HHIPL1: variants seen among roughly 807,000 people sequenced by gnomAD.
The protein encoded by HHIPL1 is HHIP-like protein 1.
Under a neutral mutation model 61.8 loss-of-function variants are expected in HHIPL1, and 43 were observed. The observed-to-expected ratio is 0.70, with a 90% CI of 0.55 to 0.90. The LOEUF (loss-of-function observed/expected upper bound fraction) is 0.90. Among genes scored for constraint, HHIPL1 ranks in the 40% least tolerant of loss-of-function variants. The pLI is 0.00. For synonymous variants in HHIPL1, 482 were observed against 515.8 expected (o/e 0.93, Z 0.89); for missense variants, 1,056 against 1,157.7 (o/e 0.91, Z 1.28).
At chr14:99,642,337 G>T (rs184377111), upstream of HHIPL1, among the ~76,000 whole-genome samples, 1 of 151,832 alleles carries the variant, frequency 6.6e-6, no homozygotes, top group Admixed American at 6.6e-5. Flanking sequence ...TTTGGAAATT[G>T]TTCCACAGTC....
intron 1 of HHIPL1, among the ~76,000 whole-genome samples, chr14:99,649,940 C>T (rs2055899267): frequency 6.6e-6 from 1 of 152,264 alleles, no homozygotes; most frequent in African/African-American, 2.4e-5. Context: ...ATGGGAGGGA[C>T]AGCACACACG....
chr14:99,636,302 G>A, the HHIPL1 span, among the ~76,000 whole-genome samples: 1 of 152,038 alleles, frequency 6.6e-6, no homozygotes, highest in Admixed American at 6.6e-5. Context: ...ACATGGGTGG[G>A]GGTGGGGCAG....
the HHIPL1 span, among the ~76,000 whole-genome samples, chr14:99,631,838 G>A: frequency 1.3e-5 from 2 of 152,156 alleles, no homozygotes; most frequent in Non-Finnish European, 2.9e-5. Flanking sequence ...CAGAGAGATC[G>A]CTCCTGCCGT....
At chr14:99,659,888 G>C (rs12887985) in intron 4 of HHIPL1, 132 bp downstream of exon 4, 313,653 of 599,998 alleles carry the variant, frequency 0.52, 91,234 homozygotes, top group Admixed American at 0.6. Flanking sequence ...GTCTGTCCTC[G>C]GCCCCACTCT....
intron 5 of HHIPL1, among the ~76,000 whole-genome samples, chr14:99,661,568 A>G (rs1050543048): frequency 2.0e-5 from 3 of 152,132 alleles, no homozygotes; most frequent in African/African-American, 7.2e-5. Flanking sequence ...CCCAGGCTCA[A>G]GCAATCCTCC....
At chr14:99,617,270 C>T in the HHIPL1 span, among the ~76,000 whole-genome samples, 12 of 152,248 alleles carry the variant, frequency 7.9e-5, no homozygotes, top group African/African-American at 2.9e-4. Flanking sequence ...AACATTTACG[C>T]GATCATCGTC....
the HHIPL1 span, among the ~76,000 whole-genome samples, chr14:99,626,291 T>C: frequency 6.7e-6 from 1 of 148,570 alleles, no homozygotes; most frequent in Non-Finnish European, 1.5e-5. Flanking sequence ...TGTGTGTGTG[T>C]ATGCATGTGT....
Position 99,668,371 on chromosome 14 carries a change from C to T in HHIPL1, c.1730+68C>T. ...AGGCCTCTTAGCTCCACGGGCTTGT[C>T]CCCTCCGCCTCGCCCTCAGGTGGGT... On this transcript the variant is annotated intron_variant, in intron 7 of 8. Transcript: ENST00000330710. This position sits in a 1 kb window ranked among gnomAD's most constrained non-coding sequence, Gnocchi z 4.7. The T allele has an allele frequency of 1.1e-6, 1 of 945,684 alleles. No individual in the cohort carries two copies. Among genetic ancestry groups the T allele is most frequent in the Non-Finnish European group, 1.7e-6 (1 of 573,614 alleles). 58.6% of individuals were successfully genotyped at this position (945,684 alleles called of 1,614,324 possible).
At chr14:99,664,512 G>A (rs868856146) in intron 6 of HHIPL1, among the ~76,000 whole-genome samples, 5 of 152,290 alleles carry the variant, frequency 3.3e-5, no homozygotes, top group Middle Eastern at 3.4e-3. Flanking sequence ...AAACCAGGAG[G>A]AGGCACCAGT....
At position 99,668,894 on chromosome 14, in the gene HHIPL1, C is replaced by T. The variant is rs1487791908; in HGVS notation, c.1730+591C>T. ...GCTCCTTCCGTGTGCAGCTCATTGA[C>T]GTCTCAGCCGTTCATTTTACAGTGG... On this transcript the variant is annotated intron_variant, in intron 7 of 8. Transcript: ENST00000330710. The surrounding 1 kb of genome is among the most constrained non-coding windows in gnomAD (Gnocchi z 4.7). 7 of 1,613,480 alleles carry T rather than the reference C, an allele frequency of 4.3e-6. No homozygotes were observed. The highest frequency in any genetic ancestry group is 3.3e-5 in the Admixed American group (2 of 60,014).
At chr14:99,646,942 C>T (rs190893989) in intron 1 of HHIPL1, among the ~76,000 whole-genome samples, 1 of 152,022 alleles carries the variant, frequency 6.6e-6, no homozygotes, top group Non-Finnish European at 1.5e-5. Flanking sequence ...ATGCCACATA[C>T]TAGGGGCTCG....
At chr14:99,653,731 G>A (rs1362938378) in intron 2 of HHIPL1, among the ~76,000 whole-genome samples, 2 of 152,220 alleles carry the variant, frequency 1.3e-5, no homozygotes, top group Non-Finnish European at 2.9e-5. Flanking sequence ...TGCAGAGCCT[G>A]CACTCTGTGG....
chr14:99,652,570 A>G lies in HHIPL1; in HGVS notation c.602A>G (p.His201Arg). ...NGLRNPVAMV[H>R]ARDGTHRFFV... ...CTGCGCAACCCCGTGGCCATGGTCC[A>G]TGCCAGGGATGGCACCCACCGCTTC... The change falls in exon 2 of 9, where the codon CAT (histidine) becomes CGT (arginine). Residue 201 changes from histidine (H) to arginine (R), a missense_variant. By Grantham distance (29) the His-to-Arg change is conservative (BLOSUM62 0). Coordinates refer to ENST00000330710, the MANE Select transcript of HHIPL1 (RefSeq NM_001127258.3). 6.2e-7 allele frequency: 1 copy of G among 1,613,108 alleles called. No individual in the cohort carries two copies. Among genetic ancestry groups the G allele is most frequent in the South Asian group, 1.1e-5 (1 of 91,056 alleles).
intron 2 of HHIPL1, among the ~76,000 whole-genome samples, 173 bp from the exon 3 acceptor site, chr14:99,656,825 AAG>A: frequency 2.1e-4 from 1 of 4,684 alleles, no homozygotes; most frequent in Non-Finnish European, 1.4e-3. Context: ...GAAAGAAAGA[AAG>A]AAAGAAAGAA....
chr14:99,628,350 C>T, the HHIPL1 span, among the ~76,000 whole-genome samples: 2 of 152,112 alleles, frequency 1.3e-5, no homozygotes, highest in Non-Finnish European at 2.9e-5. Flanking sequence ...GAAGCCGAGA[C>T]GGGTGAATCA....
At chr14:99,621,930 T>C in the HHIPL1 span, among the ~76,000 whole-genome samples, 1 of 151,986 alleles carries the variant, frequency 6.6e-6, no homozygotes, top group Non-Finnish European at 1.5e-5. Context: ...TTGGCCAGGA[T>C]AGTCTCGATC....
At chr14:99,673,064 C>G (rs2056342717) in intron 8 of HHIPL1, among the ~76,000 whole-genome samples, 1 of 152,140 alleles carries the variant, frequency 6.6e-6, no homozygotes, top group South Asian at 2.1e-4. Flanking sequence ...GTGTTGGCGA[C>G]TAGTTCAGAA....
chr14:99,640,582 G>A (rs1488321208), upstream of HHIPL1, among the ~76,000 whole-genome samples: 1 of 152,202 alleles, frequency 6.6e-6, no homozygotes, highest in Non-Finnish European at 1.5e-5. Flanking sequence ...ACTGTGCCCA[G>A]CTGGGTTTTT....
chr14:99,652,666 T>C lies in HHIPL1; in HGVS notation c.698T>C (p.Leu233Pro), dbSNP rs1236101269. The C allele has an allele frequency of 6.2e-7, 1 of 1,613,860 alleles. No homozygotes were observed. Among genetic ancestry groups the C allele is most frequent in the Middle Eastern group, 1.6e-4 (1 of 6,062 alleles). Reference sequence around the variant, plus strand: ...CGCTCGAGGCTGGGGAAGCCTTTCCTGAACATCAGCCGGGTGGTGCTCACC... The same window carrying C: ...CGCTCGAGGCTGGGGAAGCCTTTCCCGAACATCAGCCGGGTGGTGCTCACC... ...PDRSRLGKPF[L>P]NISRVVLTSP... The change falls in exon 2 of 9, where the codon CTG (leucine) becomes CCG (proline). Residue 233 changes from leucine to proline, a missense_variant. Coordinates refer to ENST00000330710, the MANE Select transcript of HHIPL1 (RefSeq NM_001127258.3).
Sources: gnomAD v4.1 joint callset for allele counts (sites outside exome capture counted in the v4.1 genomes callset) on GRCh38, gnomAD v4.1.1 for gene constraint, Gnocchi (gnomAD v3.1) non-coding constraint, MANE v1.5 for transcripts, NCBI Gene and HGNC (gene_info 2026-07-23, HGNC 2026-07-21) for gene names.